DOK5: variants seen among roughly 807,000 people sequenced by gnomAD.
DOK5 encodes docking protein 5.
A neutral mutation model predicts 43.3 loss-of-function variants in DOK5; 27 were observed. That is an observed-to-expected ratio of 0.62 (90% CI 0.46 to 0.86). The LOEUF (loss-of-function observed/expected upper bound fraction) is 0.86. Among genes scored for constraint, DOK5 ranks in the 40% least tolerant of loss-of-function variants. DOK5 has a pLI of 0.00. For synonymous variants in DOK5, 146 were observed against 140.1 expected (o/e 1.04, Z -0.30); for missense variants, 373 against 392.9 (o/e 0.95, Z 0.43).
In DOK5 at chr20:54,614,371, C is replaced by T. The variant is rs531212283; in HGVS notation, c.735+3848C>T. Among the ~76,000 whole-genome samples the T allele has an allele frequency of 4.6e-4, 70 of 152,218 alleles. 1 individual carries two copies. The highest frequency in any genetic ancestry group is 8.7e-4 in the Non-Finnish European group (59 of 68,022). On this transcript the variant is annotated intron_variant, in intron 6 of 7. Transcript: ENST00000262593. ...AGGGGAATGCGAGAGAGAGTGAGAG[C>T]GAGCTGTGAAGTAGAATTCAAGTCA...
chr20:54,497,553 G>A (rs1435583147), intron 1 of DOK5, among the ~76,000 whole-genome samples: 1 of 152,094 alleles, frequency 6.6e-6, no homozygotes, highest in Non-Finnish European at 1.5e-5. Flanking sequence ...TTCATGTTTT[G>A]CTCTATTCTA....
chr20:54,522,127 G>T (rs1324359770), intron 1 of DOK5, among the ~76,000 whole-genome samples: 1 of 152,138 alleles, frequency 6.6e-6, no homozygotes, highest in African/African-American at 2.4e-5. Flanking sequence ...AGGGGTGTCT[G>T]ATCTTTTGTC....
chr20:54,609,931 G>T (rs1986590250), intron 5 of DOK5, among the ~76,000 whole-genome samples: 1 of 152,194 alleles, frequency 6.6e-6, no homozygotes, highest in Admixed American at 6.5e-5. Context: ...TAAAGTCATG[G>T]TCTGTAGGGA....
At chr20:54,600,373 C>G (rs1986268453) in intron 5 of DOK5, among the ~76,000 whole-genome samples, 1 of 152,056 alleles carries the variant, frequency 6.6e-6, no homozygotes, top group Admixed American at 6.5e-5. Context: ...CTTCTGACAC[C>G]AACTGCAAGT....
intron 5 of DOK5, among the ~76,000 whole-genome samples, chr20:54,592,619 C>A (rs1638319886): frequency 6.6e-6 from 1 of 151,448 alleles, no homozygotes; most frequent in Admixed American, 6.6e-5. Context: ...CGGCTCACTG[C>A]AAGCTCCGCC....
intron 5 of DOK5, among the ~76,000 whole-genome samples, chr20:54,602,466 A>G (rs963431567): frequency 2.0e-4 from 31 of 152,224 alleles, no homozygotes; most frequent in Admixed American, 1.0e-3. Flanking sequence ...GCGATGTTAA[A>G]TAAATATGAG....
At chr20:54,591,984 C>T (rs937036885) in intron 5 of DOK5, among the ~76,000 whole-genome samples, 179 bp downstream of exon 5, 3 of 152,168 alleles carry the variant, frequency 2.0e-5, no homozygotes, top group Admixed American at 1.3e-4. Flanking sequence ...TATTTATATA[C>T]TCAACATGGC....
chr20:54,591,889 G>A (rs1318833723), intron 5 of DOK5, 84 bp downstream of exon 5: 4 of 1,268,596 alleles, frequency 3.2e-6, no homozygotes, highest in African/African-American at 1.5e-5. Flanking sequence ...ATATGAGGCG[G>A]TAGGTTTACA....
In DOK5 at chr20:54,650,461, C is replaced by T. The variant is rs752802483; in HGVS notation, c.903C>T (p.Ala301=). Residue 301 remains alanine (A), a synonymous_variant, in exon 8 of 8, where the codon GCC becomes GCT. Transcript: ENST00000262593. The stretch of plus-strand genomic sequence containing the variant: ...TTCATCGAACAGAGACTTTTCCAGC[C>T]TACAGATCTGAGCACTGACAGTAAC... The part of the protein sequence containing the change: ...LKLHRTETFP[A]YRSEH 6.2e-7 allele frequency: 1 copy of T among 1,614,032 alleles called. No homozygotes were observed.
At chr20:54,477,311 T>C (rs71325909) in intron 1 of DOK5, among the ~76,000 whole-genome samples, 166 of 152,332 alleles carry the variant, frequency 1.1e-3, no homozygotes, top group Admixed American at 2.2e-3. Context: ...ACATCCGCAA[T>C]TATTATAAAA....
In DOK5 at chr20:54,645,025, T is replaced by TTTTTTG. The variant is rs1491431621; in HGVS notation, c.856+1447_856+1448insTTTTTG. On this transcript the variant is annotated intron_variant, in intron 7 of 7. Coordinates refer to ENST00000262593, the MANE Select transcript of DOK5 (RefSeq NM_018431.5). The stretch of plus-strand genomic sequence containing the variant: ...TTTTTTTTTTTTTTTTTTTTTTTTT[T>TTTTTTG]GAGACAGAGTCTCGCTCTGTCGCCC... Among the ~76,000 whole-genome samples the TTTTTTG allele has an allele frequency of 7.7e-5, 7 of 90,800 alleles. 1 individual carries two copies. Among genetic ancestry groups the TTTTTTG allele is most frequent in the Admixed American group, 4.5e-4 (4 of 8,882 alleles). 59.6% of individuals were successfully genotyped at this position (90,800 alleles called of 152,430 possible). A position where few individuals can be genotyped will look rare whatever the true frequency, so the allele number is the denominator to read the frequency against.
chr20:54,637,349 C>A (rs1482067038), intron 6 of DOK5, among the ~76,000 whole-genome samples: 1 of 152,200 alleles, frequency 6.6e-6, no homozygotes, highest in East Asian at 1.9e-4. Context: ...AGGGAAAGTT[C>A]AAGTGTTGAA....
chr20:54,583,897 A>G (rs1261559883), intron 2 of DOK5, among the ~76,000 whole-genome samples: 1 of 151,992 alleles, frequency 6.6e-6, no homozygotes, highest in African/African-American at 2.4e-5. Flanking sequence ...ATAGTGGCTC[A>G]TACCTGTAAT....
chr20:54,476,113 C>G (rs938142817), intron 1 of DOK5, 101 bp downstream of exon 1: 2 of 1,565,078 alleles, frequency 1.3e-6, no homozygotes, highest in Admixed American at 2.0e-5. Context: ...GGCCGCGCGC[C>G]GGAGAATTGC....
intron 1 of DOK5, among the ~76,000 whole-genome samples, chr20:54,509,865 C>T (rs6098038): frequency 0.046 from 6,980 of 151,162 alleles, 543 homozygotes; most frequent in African/African-American, 0.16. Context: ...GGGAGCTAGT[C>T]GACTAAAAAC....
At chr20:54,559,171 G>T (rs1192364845) in intron 2 of DOK5, among the ~76,000 whole-genome samples, 1 of 152,158 alleles carries the variant, frequency 6.6e-6, no homozygotes, top group Non-Finnish European at 1.5e-5. Context: ...ATTAGAAGGG[G>T]ATGAAAGTTT....
intron 1 of DOK5, among the ~76,000 whole-genome samples, chr20:54,525,374 A>G (rs1287835662): frequency 2.0e-5 from 3 of 152,212 alleles, no homozygotes; most frequent in African/African-American, 7.2e-5. Context: ...TCAAATATGC[A>G]TCCTTTGAAC....
chr20:54,580,709 CTTAT>C (rs761586359), intron 2 of DOK5, among the ~76,000 whole-genome samples: 207 of 151,990 alleles, frequency 1.4e-3, no homozygotes, highest in Non-Finnish European at 2.3e-3. Context: ...TTAAAATTGG[CTTAT>C]TTATTTTTAC....
chr20:54,491,787 A>G (rs1392253106), intron 1 of DOK5, among the ~76,000 whole-genome samples: 1 of 152,132 alleles, frequency 6.6e-6, no homozygotes, highest in Non-Finnish European at 1.5e-5. Flanking sequence ...TAGCTGAGAA[A>G]ACTTGGGATT....
Sources: gnomAD v4.1 joint callset for allele counts (sites outside exome capture counted in the v4.1 genomes callset) on GRCh38, gnomAD v4.1.1 for gene constraint, MANE v1.5 for transcripts, NCBI Gene and HGNC (gene_info 2026-07-23, HGNC 2026-07-21) for gene names.